Variants in KHDRBS2 observed in about 807,000 individuals in gnomAD.
KHDRBS2 encodes the protein KH domain-containing, RNA-binding, signal transduction-associated protein 2.
KHDRBS2 carries 26 observed loss-of-function variants against 44.3 expected under a neutral mutation model. That is an observed-to-expected ratio of 0.59 (90% CI 0.43 to 0.81). The LOEUF (loss-of-function observed/expected upper bound fraction) is 0.81. KHDRBS2 is among the 40% of genes least tolerant of loss of function. The pLI, the probability that KHDRBS2 is intolerant of heterozygous loss-of-function variation, is 0.00. For missense variants in KHDRBS2, 476 were observed against 433.1 expected (o/e 1.10, Z -0.88); for synonymous variants, 194 against 151.1 (o/e 1.28, Z -2.08).
At chr6:61,648,750 A>C in the KHDRBS2 span, among the ~76,000 whole-genome samples, 1 of 152,154 alleles carries the variant, frequency 6.6e-6, no homozygotes, top group Admixed American at 6.6e-5. Flanking sequence ...CCTGAGTAAA[A>C]TATAAATAGA....
intron 2 of KHDRBS2, among the ~76,000 whole-genome samples, chr6:62,065,864 T>C (rs1413121372): frequency 6.6e-6 from 1 of 151,866 alleles, no homozygotes; most frequent in Non-Finnish European, 1.5e-5. Flanking sequence ...AACATGAATT[T>C]TAATAATGTC....
At chr6:61,702,409 G>A (rs1346253693) in intron 7 of KHDRBS2, among the ~76,000 whole-genome samples, 3 of 151,896 alleles carry the variant, frequency 2.0e-5, no homozygotes, top group Non-Finnish European at 2.9e-5. Flanking sequence ...AGCCTATTAT[G>A]TAGGAGAGAT....
At chr6:61,574,304 T>C in the KHDRBS2 span, 1 of 1,507,818 alleles carries the variant, frequency 6.6e-7, no homozygotes, top group Non-Finnish European at 8.9e-7. Context: ...TGATCACTTG[T>C]TCCTTAAATA....
intron 2 of KHDRBS2, among the ~76,000 whole-genome samples, chr6:62,131,946 T>C (rs557514201): frequency 3.9e-5 from 6 of 152,212 alleles, no homozygotes; most frequent in Non-Finnish European, 4.4e-5. Context: ...TCATTCAAAA[T>C]GCATTGAGGA....
intron 2 of KHDRBS2, among the ~76,000 whole-genome samples, chr6:62,087,168 A>G (rs970858448): frequency 3.9e-5 from 6 of 152,128 alleles, no homozygotes; most frequent in Non-Finnish European, 8.8e-5. Context: ...TCATGCAGTT[A>G]TTATAACTTA....
intron 6 of KHDRBS2, among the ~76,000 whole-genome samples, chr6:61,843,706 T>A (rs1236063354): frequency 6.6e-6 from 1 of 152,154 alleles, no homozygotes; most frequent in East Asian, 1.9e-4. Context: ...TATGCATCTT[T>A]GTATTAGTAA....
At chr6:61,919,981 G>T (rs1807753376) in intron 4 of KHDRBS2, among the ~76,000 whole-genome samples, 2 of 151,676 alleles carry the variant, frequency 1.3e-5, no homozygotes, top group African/African-American at 4.8e-5. Context: ...TATGGATTTC[G>T]AGTTGGAACC....
chr6:62,258,506 C>G (rs1263011226), intron 1 of KHDRBS2, among the ~76,000 whole-genome samples: 1 of 151,970 alleles, frequency 6.6e-6, no homozygotes, highest in East Asian at 1.9e-4. Context: ...TCAGAAATGA[C>G]AGTGATGCCA....
chr6:61,877,583 A>C (rs1313640340), intron 6 of KHDRBS2, among the ~76,000 whole-genome samples: 1 of 151,948 alleles, frequency 6.6e-6, no homozygotes, highest in Non-Finnish European at 1.5e-5. Context: ...CTCTGCAAAC[A>C]AAGAAGTAAT....
chr6:61,985,617 G>A (rs2127237977), intron 3 of KHDRBS2, among the ~76,000 whole-genome samples: 1 of 152,236 alleles, frequency 6.6e-6, no homozygotes, highest in East Asian at 1.9e-4. Flanking sequence ...CCTTTCCTAT[G>A]CATTCAATGA....
intron 6 of KHDRBS2, among the ~76,000 whole-genome samples, chr6:61,773,396 G>C (rs1213194803): frequency 5.3e-5 from 8 of 151,994 alleles, no homozygotes; most frequent in Non-Finnish European, 1.0e-4. Context: ...GGCCAGTGAT[G>C]ATGAGCATTT....
intron 3 of KHDRBS2, among the ~76,000 whole-genome samples, chr6:62,025,360 A>T (rs546656942): frequency 6.6e-6 from 1 of 151,808 alleles, no homozygotes; most frequent in Non-Finnish European, 1.5e-5. Flanking sequence ...TAATTTTTTA[A>T]TGAGAAAAAC....
intron 2 of KHDRBS2, among the ~76,000 whole-genome samples, chr6:62,073,637 G>T (rs1795741903): frequency 6.7e-6 from 1 of 150,006 alleles, no homozygotes; most frequent in Non-Finnish European, 1.5e-5. Flanking sequence ...TATTAAGGTG[G>T]AAGTTTAGTT....
chr6:61,904,333 G>C (rs1804586849), intron 4 of KHDRBS2, among the ~76,000 whole-genome samples: 1 of 152,144 alleles, frequency 6.6e-6, no homozygotes, highest in South Asian at 2.1e-4. Context: ...CTAACATGGA[G>C]GGGATTTCTT....
intron 6 of KHDRBS2, among the ~76,000 whole-genome samples, chr6:61,891,056 AGTCCATATGTTTT>A (rs1801749123): frequency 1.3e-5 from 2 of 152,218 alleles, no homozygotes; most frequent in Admixed American, 1.3e-4. Context: ...ATTATTAACC[AGTCCATATGTTTT>A]GAGTGCCCAG....
intron 1 of KHDRBS2, among the ~76,000 whole-genome samples, chr6:62,255,893 A>C (rs1393273509): frequency 6.6e-6 from 1 of 151,926 alleles, no homozygotes; most frequent in Non-Finnish European, 1.5e-5. Context: ...GCACTTTGGG[A>C]GGCCGGGGTG....
At chr6:62,055,547 C>T (rs1302665556) in intron 2 of KHDRBS2, among the ~76,000 whole-genome samples, 1 of 151,876 alleles carries the variant, frequency 6.6e-6, no homozygotes, top group African/African-American at 2.4e-5. Flanking sequence ...TTACCTTATG[C>T]CTCAGCAATC....
At chr6:61,876,942 T>G (rs1799492472) in intron 6 of KHDRBS2, among the ~76,000 whole-genome samples, 4 of 152,036 alleles carry the variant, frequency 2.6e-5, no homozygotes, top group African/African-American at 9.7e-5. Flanking sequence ...CCAAATACAA[T>G]AGGTGGTATA....
the KHDRBS2 span, among the ~76,000 whole-genome samples, chr6:61,592,722 G>A: frequency 6.6e-6 from 1 of 152,018 alleles, no homozygotes; most frequent in African/African-American, 2.4e-5. Flanking sequence ...TTTTCAGAAA[G>A]TTTCATATAT....
Sources: allele counts gnomAD v4.1 joint callset (sites outside exome capture counted in the v4.1 genomes callset), GRCh38; gene constraint gnomAD v4.1.1; transcripts MANE v1.5; gene names NCBI Gene and HGNC (gene_info 2026-07-23, HGNC 2026-07-21).